Variants in ACTN4 observed in about 807,000 individuals in gnomAD.
The protein encoded by ACTN4 is actinin alpha 4, also known as alpha-actinin-4.
A neutral mutation model predicts 114.2 loss-of-function variants in ACTN4; 18 were observed. The ratio of observed to expected loss-of-function variants is 0.16; its 90% CI spans 0.11 to 0.23. The LOEUF (loss-of-function observed/expected upper bound fraction) is 0.23, where lower values mean the gene tolerates loss of function less well. ACTN4 is among the 10% of genes least tolerant of loss of function. ACTN4 has a pLI of 1.00. For synonymous variants in ACTN4, 515 were observed against 506.3 expected (o/e 1.02, Z -0.23); for missense variants, 722 against 1,262.9 (o/e 0.57, Z 6.49).
At chr19:38,700,738 C>G in intron 2 of ACTN4, 24 bp downstream of exon 2, 1 of 1,594,426 alleles carries the variant, frequency 6.3e-7, no homozygotes, top group Non-Finnish European at 8.6e-7. Context: ...CCACGCAGTG[C>G]GGCCGAGCCC....
At chr19:38,690,059 G>T (rs1166578500) in intron 1 of ACTN4, among the ~76,000 whole-genome samples, 3 of 152,226 alleles carry the variant, frequency 2.0e-5, no homozygotes, top group African/African-American at 7.2e-5. Flanking sequence ...AGGAGGTAAA[G>T]AAATAGTCAA....
intron 8 of ACTN4, among the ~76,000 whole-genome samples, chr19:38,713,780 C>T (rs1968745730): frequency 6.6e-6 from 1 of 152,182 alleles, no homozygotes. Flanking sequence ...TCTGTGCTTC[C>T]TGAAAGGTAC....
At chr19:38,655,173 A>C (rs1478837634) in intron 1 of ACTN4, among the ~76,000 whole-genome samples, 1 of 152,224 alleles carries the variant, frequency 6.6e-6, no homozygotes, top group African/African-American at 2.4e-5. Flanking sequence ...AGGAAAACTG[A>C]CAAGAGTATG....
Position 38,673,525 on chromosome 19 carries a change from AT to A in ACTN4, c.162+25620del, listed in dbSNP as rs1292759679. 5.0e-4 allele frequency among the ~76,000 whole-genome samples: 59 copies of A among 118,696 alleles called. 1 individual carries two copies. Among genetic ancestry groups the A allele is most frequent in the Non-Finnish European group, 7.4e-4 (44 of 59,560 alleles). 77.9% of individuals were successfully genotyped at this position (118,696 alleles called of 152,430 possible). On this transcript the variant is annotated intron_variant, in intron 1 of 20. Coordinates refer to ENST00000252699, the MANE Select transcript of ACTN4 (RefSeq NM_004924.6). ...TATATATGAATATATATTTATATAT[AT>A]TCATATATACTTATATATATTTATA...
rs751899053 is a variant in ACTN4 at position 38,725,878 on chromosome 19, A to G, written c.2165A>G (p.Asn722Ser). ...ATCCAGGAGGCCCTCATCTTCGACAACAAGCACACCAACTATACCATGGAG... is the reference window on the plus strand; with the variant it reads ...ATCCAGGAGGCCCTCATCTTCGACAGCAAGCACACCAACTATACCATGGAG... ...QLIQEALIFD[N>S]KHTNYTMEHI... Residue 722 changes from asparagine (N) to serine (S), a missense_variant, in exon 17 of 21, where the codon AAC (asparagine) becomes AGC (serine). Asn to Ser is a conservative substitution (Grantham distance 46, BLOSUM62 1). Coordinates refer to ENST00000252699, the MANE Select transcript of ACTN4 (RefSeq NM_004924.6). The G allele has an allele frequency of 2.5e-6, 4 of 1,614,130 alleles. No individual in the cohort carries two copies. Among genetic ancestry groups the G allele is most frequent in the South Asian group, 1.1e-5 (1 of 91,084 alleles).
chr19:38,672,238 CTTTTTTTTT>C (rs35567918), intron 1 of ACTN4, among the ~76,000 whole-genome samples: 1 of 113,744 alleles, frequency 8.8e-6, no homozygotes, highest in Non-Finnish European at 1.7e-5. Context: ...ACATGTGGTT[CTTTTTTTTT>C]TTTTTTTTTT....
At chr19:38,648,136 A>G (rs1599750261) in intron 1 of ACTN4, 1 of 468,702 alleles carries the variant, frequency 2.1e-6, no homozygotes, top group South Asian at 4.1e-5. Flanking sequence ...GGAATATGGG[A>G]GTCAAATAAA....
chr19:38,661,450 C>G (rs1468309291), intron 1 of ACTN4, among the ~76,000 whole-genome samples: 1 of 152,182 alleles, frequency 6.6e-6, no homozygotes, highest in Non-Finnish European at 1.5e-5. Context: ...GTGTGGCTCT[C>G]TTAGGGAGCT....
chr19:38,710,201 G>A, intron 7 of ACTN4, 56 bp from the exon 8 acceptor site: 1 of 1,589,618 alleles, frequency 6.3e-7, no homozygotes, highest in Non-Finnish European at 8.6e-7. Flanking sequence ...CCCAGTGAGT[G>A]ACGCCTCCAC....
chr19:38,707,132 C>T (rs1479620015), intron 5 of ACTN4, among the ~76,000 whole-genome samples: 1 of 152,152 alleles, frequency 6.6e-6, no homozygotes, highest in African/African-American at 2.4e-5. Flanking sequence ...CTTTTCCCAT[C>T]GTGCTCACCC....
rs149027682 is a variant in ACTN4 at position 38,706,095 on chromosome 19, C to A, written c.536C>A (p.Pro179Gln). 6 of 1,614,132 alleles carry A rather than the reference C, an allele frequency of 3.7e-6. No homozygotes were observed. Among genetic ancestry groups the A allele is most frequent in the Non-Finnish European group, 4.2e-6 (5 of 1,179,986 alleles). The change falls in exon 5 of 21, where the codon CCG becomes CAG. Residue 179 changes from proline (P) to glutamine (Q), a missense_variant. Transcript: ENST00000252699. ...CTCTGGTGCCAGAGAAAGACAGCCC[C>A]GTATAAGAACGTCAATGTGCAGAAC... ...LLLWCQRKTA[P>Q]YKNVNVQNFH... is the part of the protein sequence containing the mutation.
intron 19 of ACTN4, chr19:38,728,251 T>C: frequency 2.7e-6 from 4 of 1,504,258 alleles, no homozygotes; most frequent in Non-Finnish European, 2.7e-6. Context: ...GCTGTGCACA[T>C]GGGGCGGCCC....
chr19:38,700,966 G>T (rs372204337), intron 2 of ACTN4, 36 bp from the exon 3 acceptor site: 2 of 1,610,150 alleles, frequency 1.2e-6, no homozygotes, highest in East Asian at 4.5e-5. Context: ...CTCTCTCTCT[G>T]TCTCGCCCCC....
intron 3 of ACTN4, 101 bp downstream of exon 3, chr19:38,701,222 G>T: frequency 6.4e-7 from 1 of 1,573,490 alleles, no homozygotes; most frequent in Non-Finnish European, 8.6e-7. Context: ...TTGGTGGCAG[G>T]GCGCTTGGGG....
intron 3 of ACTN4, 80 bp downstream of exon 3, chr19:38,701,201 GAGA>G: frequency 6.2e-7 from 1 of 1,600,948 alleles, no homozygotes; most frequent in Non-Finnish European, 8.5e-7. Flanking sequence ...GCATCCTGAA[GAGA>G]AGTTTTGTTG....
At chr19:38,678,709 C>T (rs1967455044) in intron 1 of ACTN4, among the ~76,000 whole-genome samples, 1 of 152,204 alleles carries the variant, frequency 6.6e-6, no homozygotes, top group Non-Finnish European at 1.5e-5. Context: ...GCTTTGTCTC[C>T]TGTGTCCCTC....
chr19:38,675,712 C>T (rs1489949834), intron 1 of ACTN4, among the ~76,000 whole-genome samples: 1 of 152,178 alleles, frequency 6.6e-6, no homozygotes, highest in Non-Finnish European at 1.5e-5. Flanking sequence ...CAGCCTCTAC[C>T]ACAAGGTTTC....
At chr19:38,688,817 C>T (rs763218499) in intron 1 of ACTN4, among the ~76,000 whole-genome samples, 2 of 152,158 alleles carry the variant, frequency 1.3e-5, no homozygotes, top group Non-Finnish European at 2.9e-5. Context: ...TAAGTATTGA[C>T]TAGGATGGGA....
intron 1 of ACTN4, among the ~76,000 whole-genome samples, chr19:38,695,533 C>T (rs1318691477): frequency 6.6e-6 from 1 of 152,224 alleles, no homozygotes; most frequent in Non-Finnish European, 1.5e-5. Context: ...GGGCTCTTCA[C>T]CCTGCTTTAT....
Sources: gnomAD v4.1 joint callset for allele counts (sites outside exome capture counted in the v4.1 genomes callset) on GRCh38, gnomAD v4.1.1 for gene constraint, MANE v1.5 for transcripts, NCBI Gene and HGNC (gene_info 2026-07-23, HGNC 2026-07-21) for gene names.